Variants in ATP2C2 observed in about 807,000 individuals in gnomAD.
ATP2C2 encodes the protein ATPase secretory pathway Ca2+ transporting 2, also known as calcium-transporting ATPase type 2C member 2.
Under a neutral mutation model 110.8 loss-of-function variants are expected in ATP2C2, and 171 were observed. The observed-to-expected ratio is 1.54, with a 90% CI of 1.36 to 1.75. The LOEUF is 1.75. Ranked by LOEUF, ATP2C2 falls within the 40% of genes most tolerant of loss-of-function variation. The pLI is 0.00. For missense variants in ATP2C2, 1,963 were observed against 1,235.0 expected, an observed-to-expected ratio of 1.59 and a Z score of -8.84; for synonymous variants, 804 against 508.4, an observed-to-expected ratio of 1.58 and a Z score of -7.82.
chr16:84,442,403 A>T, intron 14 of ATP2C2, 107 bp from the exon 15 acceptor site: 2 of 1,006,250 alleles, frequency 2.0e-6, no homozygotes, highest in Admixed American at 1.8e-5. Context: ...TTTAAAGAGC[A>T]AGTCTTGTCC....
intron 17 of ATP2C2, among the ~76,000 whole-genome samples, chr16:84,450,380 C>T (rs1218432163): frequency 2.0e-5 from 3 of 152,148 alleles, no homozygotes; most frequent in African/African-American, 7.2e-5. Flanking sequence ...GCTAGATCCC[C>T]TGGAGTGGCT....
intron 11 of ATP2C2, among the ~76,000 whole-genome samples, chr16:84,435,623 C>T (rs1042507724): frequency 2.0e-5 from 3 of 152,146 alleles, no homozygotes; most frequent in African/African-American, 7.2e-5. Flanking sequence ...CCCAGAAGTT[C>T]AAGACCAGCC....
intron 23 of ATP2C2, 75 bp downstream of exon 23, chr16:84,459,461 G>A (rs575801191): frequency 1.9e-6 from 3 of 1,603,468 alleles, no homozygotes; most frequent in African/African-American, 2.7e-5. Context: ...TGCTGGCTGT[G>A]CCCCAAGGCT....
chr16:84,463,414 C>T (rs867963675), intron 26 of ATP2C2, among the ~76,000 whole-genome samples, 200 bp from the exon 27 acceptor site: 2 of 152,144 alleles, frequency 1.3e-5, no homozygotes, highest in African/African-American at 4.8e-5. Flanking sequence ...TGGTGTTTGC[C>T]TGGAACCACA....
chr16:84,374,685 G>T (rs759093708), intron 1 of ATP2C2, among the ~76,000 whole-genome samples: 8 of 152,042 alleles, frequency 5.3e-5, no homozygotes, highest in Non-Finnish European at 7.4e-5. Flanking sequence ...GGGGTCCTTT[G>T]GTTTTCATTT....
Position 84,463,629 on chromosome 16 carries a change from C to T in ATP2C2, c.2738C>T (p.Thr913Ile), listed in dbSNP as rs745800981. The change falls in exon 27 of 27, where the codon ACT becomes ATT. Residue 913 changes from threonine (T) to isoleucine (I), a missense_variant. Physicochemically the swap from Thr to Ile is moderately conservative, Grantham distance 89. Coordinates refer to ENST00000262429, the MANE Select transcript of ATP2C2 (RefSeq NM_014861.4). Reference protein sequence around the residue: ...NLGALDLLFLTGLASSVFILS... With the variant: ...NLGALDLLFLIGLASSVFILS... The stretch of plus-strand genomic sequence containing the variant: ...CCCTTGGCAGATTTGCTGTTTTTAA[C>T]TGGATTGGCCTCATCCGTCTTCATT... The T allele has an allele frequency of 5.0e-6, 8 of 1,613,944 alleles. No homozygotes were observed. The highest frequency in any genetic ancestry group is 2.2e-5 in the East Asian group (1 of 44,894).
At chr16:84,403,179 C>G (rs768851442) in intron 2 of ATP2C2, among the ~76,000 whole-genome samples, 1 of 151,114 alleles carries the variant, frequency 6.6e-6, no homozygotes, top group Non-Finnish European at 1.5e-5. Context: ...CTCTTTTTTT[C>G]TTAGCCTGGC....
chr16:84,377,550 G>A (rs1422337602), intron 1 of ATP2C2, among the ~76,000 whole-genome samples: 1 of 152,014 alleles, frequency 6.6e-6, no homozygotes, highest in African/African-American at 2.4e-5. Context: ...TCTTCATACG[G>A]TTGTCCTCTG....
At chr16:84,411,934 C>CTTTCT (rs911428941) in intron 6 of ATP2C2, among the ~76,000 whole-genome samples, 2 of 151,704 alleles carry the variant, frequency 1.3e-5, no homozygotes, top group Admixed American at 6.6e-5. Context: ...TCTTTCTTTC[C>CTTTCT]TTTCTTTTCT....
chr16:84,431,998 C>G (rs1268341129), intron 11 of ATP2C2, among the ~76,000 whole-genome samples: 1 of 152,114 alleles, frequency 6.6e-6, no homozygotes, highest in African/African-American at 2.4e-5. Context: ...CACTGGAGAG[C>G]TGAGGTCTCC....
intron 17 of ATP2C2, among the ~76,000 whole-genome samples, chr16:84,450,265 G>T (rs756819057): frequency 1.3e-5 from 2 of 152,168 alleles, no homozygotes; most frequent in Non-Finnish European, 2.9e-5. Flanking sequence ...TTTCCAATCT[G>T]TGTTTAGTCT....
At chr16:84,382,158 C>G (rs1217910240) in intron 1 of ATP2C2, among the ~76,000 whole-genome samples, 1 of 152,072 alleles carries the variant, frequency 6.6e-6, no homozygotes, top group Admixed American at 6.5e-5. Flanking sequence ...CTGACAGGCC[C>G]CGGTGTGTGA....
chr16:84,434,591 C>T (rs1157660943), intron 11 of ATP2C2, among the ~76,000 whole-genome samples: 1 of 151,600 alleles, frequency 6.6e-6, no homozygotes, highest in Non-Finnish European at 1.5e-5. Context: ...GATCTCGGCT[C>T]ACTGCAAGCT....
At chr16:84,422,346 G>T (rs745791891) in intron 7 of ATP2C2, 44 bp from the exon 8 acceptor site, 1 of 1,590,480 alleles carries the variant, frequency 6.3e-7, no homozygotes, top group South Asian at 1.1e-5. Flanking sequence ...CCAATTCTCG[G>T]GGTGACAGAG....
At chr16:84,420,374 A>G (rs1907218909) in intron 7 of ATP2C2, among the ~76,000 whole-genome samples, 1 of 150,710 alleles carries the variant, frequency 6.6e-6, no homozygotes, top group Admixed American at 6.6e-5. Flanking sequence ...TCCCCACCCC[A>G]TGTGCCTCCT....
intron 11 of ATP2C2, among the ~76,000 whole-genome samples, chr16:84,430,378 C>T (rs1012208119): frequency 7.2e-5 from 11 of 152,102 alleles, no homozygotes; most frequent in African/African-American, 2.2e-4. Context: ...CGGTGGCTCA[C>T]GTCTGTAATC....
At chr16:84,411,303 T>G (rs1198512998) in intron 6 of ATP2C2, among the ~76,000 whole-genome samples, 1 of 152,162 alleles carries the variant, frequency 6.6e-6, no homozygotes, top group Non-Finnish European at 1.5e-5. Flanking sequence ...CCAAAGATGT[T>G]TAACAAGGAA....
intron 11 of ATP2C2, among the ~76,000 whole-genome samples, chr16:84,426,671 A>T (rs931579263): frequency 1.3e-5 from 2 of 152,162 alleles, no homozygotes; most frequent in African/African-American, 4.8e-5. Context: ...CTGTGCAAGC[A>T]CCCACATGAT....
At chr16:84,423,809 G>A (rs924232457) in intron 10 of ATP2C2, among the ~76,000 whole-genome samples, 1 of 152,166 alleles carries the variant, frequency 6.6e-6, no homozygotes, top group African/African-American at 2.4e-5. Context: ...GTTTATCTGT[G>A]CACCCAAACA....
Sources: allele counts gnomAD v4.1 joint callset (sites outside exome capture counted in the v4.1 genomes callset), GRCh38; gene constraint gnomAD v4.1.1; transcripts MANE v1.5; gene names NCBI Gene and HGNC (gene_info 2026-07-23, HGNC 2026-07-21).